CNTNAP2: variants seen among roughly 807,000 people sequenced by gnomAD.
CNTNAP2 encodes contactin-associated protein-like 2.
Under a neutral mutation model 155.2 loss-of-function variants are expected in CNTNAP2, and 98 were observed. That is an observed-to-expected ratio of 0.63 (90% CI 0.54 to 0.75). The LOEUF is 0.75. CNTNAP2 is among the 30% of genes least tolerant of loss of function. The pLI is 0.00. For missense variants in CNTNAP2, 1,727 were observed against 1,688.1 expected, an observed-to-expected ratio of 1.02 and a Z score of -0.40; for synonymous variants, 651 against 631.2, an observed-to-expected ratio of 1.03 and a Z score of -0.47.
chr7:146,277,095 A>C (rs1467983431), intron 1 of CNTNAP2, among the ~76,000 whole-genome samples: 1 of 152,160 alleles, frequency 6.6e-6, no homozygotes, highest in Non-Finnish European at 1.5e-5. Flanking sequence ...GGAGAGGTTC[A>C]TGTGAATGAA....
chr7:146,922,240 G>A (rs949424401), intron 3 of CNTNAP2, among the ~76,000 whole-genome samples: 3 of 126,378 alleles, frequency 2.4e-5, no homozygotes, highest in African/African-American at 9.1e-5. Context: ...TATATGCTAT[G>A]GGCAAAGAAA....
intron 3 of CNTNAP2, among the ~76,000 whole-genome samples, chr7:146,913,255 T>C (rs1207337267): frequency 1.3e-5 from 2 of 152,110 alleles, no homozygotes; most frequent in Non-Finnish European, 2.9e-5. Context: ...ATGGTATCTG[T>C]AAGAGAGCTG....
At chr7:146,190,469 A>G (rs923623749) in intron 1 of CNTNAP2, among the ~76,000 whole-genome samples, 4 of 152,172 alleles carry the variant, frequency 2.6e-5, no homozygotes, top group African/African-American at 9.7e-5. Flanking sequence ...CACATCAACA[A>G]ACCATCTGTG....
chr7:146,754,584 A>G (rs1477607906), intron 1 of CNTNAP2, among the ~76,000 whole-genome samples: 1 of 133,026 alleles, frequency 7.5e-6, no homozygotes, highest in African/African-American at 2.9e-5. Context: ...CTCTCTTTTT[A>G]ACTGAACCTG....
chr7:146,341,677 A>G (rs1794731571), intron 1 of CNTNAP2, among the ~76,000 whole-genome samples: 1 of 152,180 alleles, frequency 6.6e-6, no homozygotes, highest in Non-Finnish European at 1.5e-5. Context: ...GCAAGCTGTG[A>G]AAAAGCAACT....
rs563132603 is a variant in CNTNAP2 at position 146,681,985 on chromosome 7, G to A, written c.98-92286G>A. On this transcript the variant is annotated intron_variant, in intron 1 of 23. Transcript: ENST00000361727. ...CTATTTCCAGATAAAACCATATAAA[G>A]TTCTCTCAGGTCAGACGCACAGAAA... Among the ~76,000 whole-genome samples, 6 of 120,634 alleles carry A rather than the reference G, an allele frequency of 5.0e-5. No individual in the cohort carries two copies. The South Asian group carries it at 2.3e-3, about 45-fold the overall frequency. The allele number at this position is 120,634 out of a possible 152,430, so 79.1% of individuals were successfully genotyped here. A position where few individuals can be genotyped will look rare whatever the true frequency, so the allele number is the denominator to read the frequency against.
chr7:147,473,101 C>G (rs1205259809), intron 10 of CNTNAP2, among the ~76,000 whole-genome samples: 1 of 152,064 alleles, frequency 6.6e-6, no homozygotes, highest in Non-Finnish European at 1.5e-5. Context: ...ACTGAGAAAA[C>G]GGAGGTTGTG....
chr7:147,817,809 G>T (rs1316024842), intron 13 of CNTNAP2, among the ~76,000 whole-genome samples: 1 of 151,326 alleles, frequency 6.6e-6, no homozygotes, highest in African/African-American at 2.4e-5. Context: ...AGAGGTTGAG[G>T]CAGGAGAATG....
chr7:147,176,811 G>T, intron 8 of CNTNAP2, among the ~76,000 whole-genome samples: 2 of 113,284 alleles, frequency 1.8e-5, no homozygotes, highest in African/African-American at 7.5e-5. Context: ...ATATATAATA[G>T]ATATAGAATA....
At chr7:147,002,093 G>A (rs529695251) in intron 3 of CNTNAP2, among the ~76,000 whole-genome samples, 1 of 151,940 alleles carries the variant, frequency 6.6e-6, no homozygotes, top group East Asian at 1.9e-4. Flanking sequence ...GGGTAATAAA[G>A]TGTGATAACA....
chr7:146,450,160 C>T (rs1419047175), intron 1 of CNTNAP2, among the ~76,000 whole-genome samples: 1 of 152,152 alleles, frequency 6.6e-6, no homozygotes. Flanking sequence ...AGTCATAATA[C>T]ATTTTAATAA....
chr7:147,807,093 C>T (rs1182837954), intron 13 of CNTNAP2, among the ~76,000 whole-genome samples: 1 of 152,018 alleles, frequency 6.6e-6, no homozygotes, highest in South Asian at 2.1e-4. Flanking sequence ...GGGAGAATCG[C>T]TTGAACCCAG....
Position 148,029,677 on chromosome 7 carries a change from G to A in CNTNAP2, c.2383+51688G>A, listed in dbSNP as rs940953863. On this transcript the variant is annotated intron_variant, in intron 15 of 23. Coordinates refer to ENST00000361727, the MANE Select transcript of CNTNAP2 (RefSeq NM_014141.6). Reference sequence around the variant, plus strand: ...CTTTTAATTACAATTTTAAACCTGCGAATATAATACCTTGACTCGATGGTA... The same window carrying A: ...CTTTTAATTACAATTTTAAACCTGCAAATATAATACCTTGACTCGATGGTA... 3.9e-5 allele frequency among the ~76,000 whole-genome samples: 6 copies of A among 152,166 alleles called. No individual in the cohort carries two copies. The South Asian group carries it at 1.0e-3, about 26-fold the overall frequency.
chr7:146,302,987 T>A (rs192070753), intron 1 of CNTNAP2, among the ~76,000 whole-genome samples: 4 of 152,266 alleles, frequency 2.6e-5, no homozygotes, highest in Admixed American at 2.6e-4. Context: ...AACAGGTAAG[T>A]ACATGATTAA....
chr7:147,746,084 T>C (rs1411999277), intron 13 of CNTNAP2, among the ~76,000 whole-genome samples: 1 of 152,202 alleles, frequency 6.6e-6, no homozygotes, highest in African/African-American at 2.4e-5. Flanking sequence ...TGTGTGTAAA[T>C]AGCACTGATG....
chr7:147,582,485 C>A (rs1035109683), intron 12 of CNTNAP2, among the ~76,000 whole-genome samples: 2 of 151,962 alleles, frequency 1.3e-5, no homozygotes, highest in Admixed American at 6.6e-5. Flanking sequence ...ATTTAATATG[C>A]AGATATGAAA....
chr7:146,437,085 C>G (rs1396820440), intron 1 of CNTNAP2, among the ~76,000 whole-genome samples: 1 of 151,300 alleles, frequency 6.6e-6, no homozygotes, highest in African/African-American at 2.5e-5. Context: ...AGCTCACCTC[C>G]CTTTAGATAG....
At chr7:147,176,833 T>C (rs576219838) in intron 8 of CNTNAP2, among the ~76,000 whole-genome samples, 2 of 125,816 alleles carry the variant, frequency 1.6e-5, no homozygotes, top group South Asian at 4.4e-4. Flanking sequence ...TTATAATATA[T>C]AATTATATAT....
At chr7:146,177,779 C>T (rs1798490922) in intron 1 of CNTNAP2, among the ~76,000 whole-genome samples, 1 of 152,136 alleles carries the variant, frequency 6.6e-6, no homozygotes, top group Non-Finnish European at 1.5e-5. Flanking sequence ...TTGTTATTTA[C>T]AATATTGGGT....
Sources: allele counts gnomAD v4.1 joint callset (sites outside exome capture counted in the v4.1 genomes callset), GRCh38; gene constraint gnomAD v4.1.1; transcripts MANE v1.5; gene names NCBI Gene and HGNC (gene_info 2026-07-23, HGNC 2026-07-21).